MCU: variants seen among roughly 807,000 people sequenced by gnomAD.
MCU encodes the protein calcium uniporter protein, mitochondrial.
A neutral mutation model predicts 45.2 loss-of-function variants in MCU; 12 were observed. The ratio of observed to expected loss-of-function variants is 0.27; its 90% CI spans 0.17 to 0.43. The LOEUF (loss-of-function observed/expected upper bound fraction) is 0.43. MCU is among the 20% of genes least tolerant of loss of function. MCU has a pLI of 1.00. For synonymous variants in MCU, 160 were observed against 165.1 expected, an observed-to-expected ratio of 0.97 and a Z score of 0.24; for missense variants, 324 against 436.7, an observed-to-expected ratio of 0.74 and a Z score of 2.30.
intron 1 of MCU, among the ~76,000 whole-genome samples, chr10:72,808,522 A>G (rs1326428300): frequency 1.3e-5 from 2 of 152,232 alleles, no homozygotes; most frequent in African/African-American, 4.8e-5. Flanking sequence ...TTTAAAGGTC[A>G]TCTTGTAGAA....
chr10:72,714,791 C>G (rs1254552689), intron 1 of MCU, among the ~76,000 whole-genome samples: 1 of 152,122 alleles, frequency 6.6e-6, no homozygotes, highest in Non-Finnish European at 1.5e-5. Context: ...TGATCTGCCC[C>G]CCCCTTGGCC....
intron 1 of MCU, among the ~76,000 whole-genome samples, chr10:72,739,013 T>G (rs979049195): frequency 4.6e-5 from 7 of 152,214 alleles, no homozygotes; most frequent in South Asian, 4.1e-4. Context: ...CAAAAACATA[T>G]TTGGTTATGT....
At chr10:72,805,837 A>C (rs1844440329) in intron 1 of MCU, among the ~76,000 whole-genome samples, 1 of 152,214 alleles carries the variant, frequency 6.6e-6, no homozygotes, top group South Asian at 2.1e-4. Context: ...TAAATATAGA[A>C]TTTTAATTTC....
intron 1 of MCU, among the ~76,000 whole-genome samples, chr10:72,812,591 A>T (rs1425337319): frequency 6.6e-6 from 1 of 152,066 alleles, no homozygotes; most frequent in Non-Finnish European, 1.5e-5. Context: ...GGACAAAGGA[A>T]CCTCAGGGAT....
At chr10:72,872,182 A>T (rs999554228) in intron 6 of MCU, among the ~76,000 whole-genome samples, 4 of 152,168 alleles carry the variant, frequency 2.6e-5, no homozygotes, top group Admixed American at 2.0e-4. Flanking sequence ...GTGTCTGTGC[A>T]TGTATACAAC....
intron 1 of MCU, among the ~76,000 whole-genome samples, chr10:72,821,339 A>G (rs983354394): frequency 6.6e-6 from 1 of 152,138 alleles, no homozygotes; most frequent in Non-Finnish European, 1.5e-5. Flanking sequence ...GTAATCAGCA[A>G]ATTTTAAATT....
chr10:72,782,478 C>T (rs1349989660), intron 1 of MCU, among the ~76,000 whole-genome samples: 1 of 152,182 alleles, frequency 6.6e-6, no homozygotes, highest in East Asian at 1.9e-4. Context: ...TCAAGCGATT[C>T]TCATGCCTCC....
chr10:72,876,591 T>C (rs898410644), intron 6 of MCU, among the ~76,000 whole-genome samples: 2 of 152,092 alleles, frequency 1.3e-5, no homozygotes, highest in Admixed American at 1.3e-4. Flanking sequence ...ATAGTAGTTA[T>C]TCTAAGACTT....
intron 1 of MCU, among the ~76,000 whole-genome samples, chr10:72,770,565 T>C (rs1360765020): frequency 6.6e-6 from 1 of 152,124 alleles, no homozygotes; most frequent in Admixed American, 6.5e-5. Context: ...CTTTGCATAA[T>C]TTTACACCTT....
At chr10:72,838,538 G>A (rs535087053) in intron 2 of MCU, among the ~76,000 whole-genome samples, 10 of 152,224 alleles carry the variant, frequency 6.6e-5, no homozygotes, top group African/African-American at 1.9e-4. Context: ...TTGAGCCCAA[G>A]GAGGTCAAGG....
At chr10:72,742,406 C>G (rs1843348063) in intron 1 of MCU, among the ~76,000 whole-genome samples, 1 of 152,186 alleles carries the variant, frequency 6.6e-6, no homozygotes. Context: ...TTCAGACTTG[C>G]AATTCTATTT....
chr10:72,824,332 G>A (rs185639140), intron 1 of MCU, among the ~76,000 whole-genome samples: 2,728 of 151,120 alleles, frequency 0.018, 35 homozygotes, highest in Non-Finnish European at 0.026. Flanking sequence ...GAGTAGCTGG[G>A]ATTACAGGTG....
At chr10:72,830,741 A>G (rs187952886) in intron 1 of MCU, among the ~76,000 whole-genome samples, 1 of 152,320 alleles carries the variant, frequency 6.6e-6, no homozygotes, top group Non-Finnish European at 1.5e-5. Flanking sequence ...TGCAATTCCA[A>G]AACACTAATT....
At chr10:72,697,183 C>T (rs1006868389) in intron 1 of MCU, among the ~76,000 whole-genome samples, 1 of 151,984 alleles carries the variant, frequency 6.6e-6, no homozygotes, top group Admixed American at 6.6e-5. Context: ...GTGGCGTGAT[C>T]TCGGCTCACT....
chr10:72,865,689 A>G (rs1469577748), intron 4 of MCU, among the ~76,000 whole-genome samples: 1 of 150,884 alleles, frequency 6.6e-6, no homozygotes, highest in African/African-American at 2.4e-5. Context: ...CTATAGGCAC[A>G]TGCCACACGC....
intron 1 of MCU, among the ~76,000 whole-genome samples, chr10:72,717,668 G>T (rs904457797): frequency 6.6e-6 from 1 of 152,064 alleles, no homozygotes; most frequent in Non-Finnish European, 1.5e-5. Context: ...TTGAAGCTAG[G>T]AGCAAAACTA....
Position 72,874,277 on chromosome 10 carries a change from A to G in MCU, c.861+2697A>G, listed in dbSNP as rs551995185. Reference sequence around the variant, plus strand: ...TTTTATTGTCAGTGCCGTTTTAAATATCTTGGAATTCCAGTGTCACTTTAG... The same window carrying G: ...TTTTATTGTCAGTGCCGTTTTAAATGTCTTGGAATTCCAGTGTCACTTTAG... On this transcript the variant is annotated intron_variant, in intron 6 of 7. Transcript: ENST00000373053. Among the ~76,000 whole-genome samples the G allele has an allele frequency of 9.8e-5, 15 of 152,314 alleles. No individual in the cohort carries two copies. In the East Asian group the frequency reaches 2.3e-3, roughly 23 times the overall value.
At chr10:72,842,252 TC>T (rs1845059072) in intron 2 of MCU, among the ~76,000 whole-genome samples, 1 of 152,184 alleles carries the variant, frequency 6.6e-6, no homozygotes, top group Non-Finnish European at 1.5e-5. Context: ...TTTGTCAGTT[TC>T]TCTGTAGGCA....
At chr10:72,778,707 TAATG>T (rs987958118) in intron 1 of MCU, among the ~76,000 whole-genome samples, 5 of 152,292 alleles carry the variant, frequency 3.3e-5, no homozygotes, top group Middle Eastern at 3.4e-3. Flanking sequence ...TGCATGGAAA[TAATG>T]AAAACGATTG....
Sources: allele counts gnomAD v4.1 joint callset (sites outside exome capture counted in the v4.1 genomes callset), GRCh38; gene constraint gnomAD v4.1.1; transcripts MANE v1.5; gene names NCBI Gene and HGNC (gene_info 2026-07-23, HGNC 2026-07-21).